Variants in GULP1 observed in about 807,000 individuals in gnomAD.
GULP1 encodes the protein PTB domain-containing engulfment adapter protein 1.
GULP1 carries 19 observed loss-of-function variants against 40.9 expected under a neutral mutation model. That is an observed-to-expected ratio of 0.46 (90% CI 0.32 to 0.68). The LOEUF (loss-of-function observed/expected upper bound fraction) is 0.68, where lower values mean the gene tolerates loss of function less well. Among genes scored for constraint, GULP1 ranks in the 30% least tolerant of loss-of-function variants. The pLI is 0.03. For synonymous variants in GULP1, 119 were observed against 117.6 expected (o/e 1.01, Z -0.08); for missense variants, 312 against 362.2 (o/e 0.86, Z 1.12).
intron 4 of GULP1, among the ~76,000 whole-genome samples, chr2:188,494,106 G>C (rs189745454): frequency 2.0e-5 from 3 of 152,134 alleles, no homozygotes; most frequent in Non-Finnish European, 4.4e-5. Flanking sequence ...AACAAGGACT[G>C]ATTGTGGAGA....
intron 1 of GULP1, among the ~76,000 whole-genome samples, chr2:188,309,552 C>A (rs1330999031): frequency 6.6e-6 from 1 of 152,084 alleles, no homozygotes; most frequent in Non-Finnish European, 1.5e-5. Flanking sequence ...GATAATGGAT[C>A]AAGATTGATT....
chr2:188,474,811 C>T (rs1010876677), intron 2 of GULP1, among the ~76,000 whole-genome samples: 2 of 151,970 alleles, frequency 1.3e-5, no homozygotes, highest in Admixed American at 6.6e-5. Context: ...TTCTGCCTCC[C>T]AAAAGTAACA....
At chr2:188,478,001 AG>A (rs1357646769) in intron 3 of GULP1, among the ~76,000 whole-genome samples, 1 of 152,152 alleles carries the variant, frequency 6.6e-6, no homozygotes, top group East Asian at 1.9e-4. Flanking sequence ...GAAATTGCAA[AG>A]AATAAAATGA....
At chr2:188,419,824 C>A (rs1028401867) in intron 2 of GULP1, among the ~76,000 whole-genome samples, 11 of 152,042 alleles carry the variant, frequency 7.2e-5, no homozygotes, top group Non-Finnish European at 1.2e-4. Flanking sequence ...AGGAGTTTAA[C>A]AATTTTGAGT....
At chr2:188,382,772 G>C (rs1420492813) in intron 1 of GULP1, among the ~76,000 whole-genome samples, 2 of 152,164 alleles carry the variant, frequency 1.3e-5, no homozygotes, top group Admixed American at 6.5e-5. Flanking sequence ...TGTATTCCCA[G>C]CTACTCGGGA....
At chr2:188,368,253 T>C (rs1405438705) in intron 1 of GULP1, among the ~76,000 whole-genome samples, 2 of 152,184 alleles carry the variant, frequency 1.3e-5, no homozygotes, top group Non-Finnish European at 2.9e-5. Context: ...ATGTGTTTTT[T>C]CTGCGACATT....
intron 8 of GULP1, 41 bp downstream of exon 8, chr2:188,569,396 A>G (rs1282260145): frequency 1.0e-6 from 1 of 1,000,598 alleles, no homozygotes; most frequent in Non-Finnish European, 1.6e-6. Flanking sequence ...TGTGTGATGT[A>G]AGTACAGGGA....
rs115895812 is a variant in GULP1, at chr2:188,474,154, G to A, written c.-44-3505G>A. ...CTGCTGTCACTGAGCTGCTATCCAAGATGCAAGACAGAGTCCTTTCCACTC... is the reference window on the plus strand; with the variant it reads ...CTGCTGTCACTGAGCTGCTATCCAAAATGCAAGACAGAGTCCTTTCCACTC... On this transcript the variant is annotated intron_variant, in intron 2 of 11. Transcript: ENST00000409830. Among the ~76,000 whole-genome samples the A allele has an allele frequency of 6.0e-3, 915 of 152,282 alleles. 7 individuals carry two copies. The highest frequency in any genetic ancestry group is 9.1e-3 in the Non-Finnish European group (622 of 68,018).
At chr2:188,482,431 G>A (rs2061511445) in intron 3 of GULP1, among the ~76,000 whole-genome samples, 1 of 151,514 alleles carries the variant, frequency 6.6e-6, no homozygotes, top group African/African-American at 2.4e-5. Flanking sequence ...ATAAATCTTT[G>A]ATTTTGTTCT....
intron 1 of GULP1, among the ~76,000 whole-genome samples, chr2:188,368,290 T>C (rs750779522): frequency 3.9e-5 from 6 of 152,140 alleles, no homozygotes; most frequent in Admixed American, 2.0e-4. Flanking sequence ...ACATTTAATT[T>C]AGACTTTATG....
At chr2:188,593,843 C>T (rs1704064759) in intron 11 of GULP1, 97 bp from the exon 12 acceptor site, 2 of 711,704 alleles carry the variant, frequency 2.8e-6, no homozygotes, top group African/African-American at 1.8e-5. Flanking sequence ...TTGATCAAAG[C>T]ATGAATATTT....
intron 7 of GULP1, among the ~76,000 whole-genome samples, chr2:188,555,748 T>G (rs1278296397): frequency 1.3e-5 from 2 of 152,112 alleles, no homozygotes; most frequent in African/African-American, 4.8e-5. Flanking sequence ...GATATTTATA[T>G]CTCCTGCTAG....
intron 9 of GULP1, among the ~76,000 whole-genome samples, chr2:188,581,677 TC>T (rs1701354826): frequency 6.6e-6 from 1 of 152,064 alleles, no homozygotes; most frequent in Non-Finnish European, 1.5e-5. Context: ...AATCACCTCT[TC>T]CCATCACCCA....
chr2:188,382,295 A>G (rs1434106488), intron 1 of GULP1, among the ~76,000 whole-genome samples: 1 of 152,164 alleles, frequency 6.6e-6, no homozygotes, highest in Non-Finnish European at 1.5e-5. Flanking sequence ...TAAATATGCT[A>G]GCTCTCATTC....
At chr2:188,511,713 A>G (rs562606570) in intron 4 of GULP1, among the ~76,000 whole-genome samples, 2 of 152,306 alleles carry the variant, frequency 1.3e-5, no homozygotes, top group South Asian at 4.1e-4. Context: ...CTATAAAAAT[A>G]ATATACCCTA....
At chr2:188,506,499 C>G (rs1281543838) in intron 4 of GULP1, among the ~76,000 whole-genome samples, 1 of 151,908 alleles carries the variant, frequency 6.6e-6, no homozygotes, top group Non-Finnish European at 1.5e-5. Flanking sequence ...ATAAATGAGA[C>G]AAGTCTATTA....
chr2:188,579,960 A>C (rs1700925486), intron 9 of GULP1, among the ~76,000 whole-genome samples: 1 of 152,216 alleles, frequency 6.6e-6, no homozygotes, highest in Admixed American at 6.5e-5. Flanking sequence ...GATAATATCA[A>C]GGACAACTTC....
intron 7 of GULP1, among the ~76,000 whole-genome samples, chr2:188,568,060 ATAT>A (rs1238557182): frequency 6.6e-6 from 1 of 152,074 alleles, no homozygotes; most frequent in East Asian, 1.9e-4. Context: ...TTCCTTTAAA[ATAT>A]TATGTACATA....
At chr2:188,431,249 A>G (rs2056837479) in intron 2 of GULP1, among the ~76,000 whole-genome samples, 1 of 152,184 alleles carries the variant, frequency 6.6e-6, no homozygotes, top group African/African-American at 2.4e-5. Flanking sequence ...CCTTCAAAAT[A>G]AAACATTTTA....
Sources: allele counts gnomAD v4.1 joint callset (sites outside exome capture counted in the v4.1 genomes callset), GRCh38; gene constraint gnomAD v4.1.1; transcripts MANE v1.5; gene names NCBI Gene and HGNC (gene_info 2026-07-23, HGNC 2026-07-21).